TMEM163: variants seen among roughly 807,000 people sequenced by gnomAD.
The protein encoded by TMEM163 is transmembrane protein 163.
TMEM163 carries 17 observed loss-of-function variants against 29.3 expected under a neutral mutation model. The ratio of observed to expected loss-of-function variants is 0.58; its 90% CI spans 0.40 to 0.87. The LOEUF is 0.87. Ranked by LOEUF, TMEM163 falls within the 40% of genes least tolerant of loss-of-function variation. The pLI, the probability that TMEM163 is intolerant of heterozygous loss-of-function variation, is 0.00. For missense variants in TMEM163, 303 were observed against 381.5 expected (o/e 0.79, Z 1.71); for synonymous variants, 157 against 160.6 (o/e 0.98, Z 0.17).
At chr2:134,457,950 G>C in intron 7 of TMEM163, 82 bp downstream of exon 7, 1 of 1,595,310 alleles carries the variant, frequency 6.3e-7, no homozygotes. Flanking sequence ...TCAGAAGCCT[G>C]TCATTTCCTG....
chr2:134,683,457 CCTAAA>C, intron 2 of TMEM163, among the ~76,000 whole-genome samples: 1 of 150,890 alleles, frequency 6.6e-6, no homozygotes, highest in Middle Eastern at 3.4e-3. Flanking sequence ...AAAATGGAAA[CCTAAA>C]CTAAACTCAT....
chr2:134,515,680 ATTTT>A (rs1179213472), intron 4 of TMEM163, among the ~76,000 whole-genome samples: 1 of 152,114 alleles, frequency 6.6e-6, no homozygotes, highest in Non-Finnish European at 1.5e-5. Context: ...TGCCATTAAA[ATTTT>A]TTTTGTTAAA....
chr2:134,592,426 A>AT (rs1349997261), intron 2 of TMEM163, among the ~76,000 whole-genome samples: 1 of 151,302 alleles, frequency 6.6e-6, no homozygotes, highest in South Asian at 2.1e-4. Context: ...GGGTTAAAAT[A>AT]TTTTTTTTCC....
In TMEM163 at chr2:134,458,597, G is replaced by GGCTCGGAATTCAGGCTC. The variant is rs533938038; in HGVS notation, c.668-425_668-424insGAGCCTGAATTCCGAGC. The stretch of plus-strand genomic sequence containing the variant: ...TGTCTGCTGGGCCAGATTCCGAGTT[G>GGCTCGGAATTCAGGCTC]GGTGTTCAGGACGTGTGGTTACCTA... On this transcript the variant is annotated intron_variant, in intron 6 of 7. Transcript: ENST00000281924. 2.9e-3 allele frequency: 522 copies of GGCTCGGAATTCAGGCTC among 178,966 alleles called. 4 individuals are homozygous for GGCTCGGAATTCAGGCTC. The highest frequency in any genetic ancestry group is 0.011 in the African/African-American group (496 of 43,318). 11.1% of individuals were successfully genotyped at this position (178,966 alleles called of 1,614,324 possible). A position where few individuals can be genotyped will look rare whatever the true frequency, so the allele number is the denominator to read the frequency against.
chr2:134,693,817 G>A (rs112843395), intron 2 of TMEM163, among the ~76,000 whole-genome samples: 4 of 152,224 alleles, frequency 2.6e-5, no homozygotes, highest in African/African-American at 9.6e-5. Context: ...TCCAGACAAG[G>A]TTGGCCAGGA....
At chr2:134,465,759 T>C (rs1245308112) in intron 6 of TMEM163, among the ~76,000 whole-genome samples, 1 of 152,302 alleles carries the variant, frequency 6.6e-6, no homozygotes, top group African/African-American at 2.4e-5. Flanking sequence ...GAAACATTTA[T>C]AGAATCCAGA....
At chr2:134,515,420 T>C (rs973601535) in intron 4 of TMEM163, among the ~76,000 whole-genome samples, 3 of 152,230 alleles carry the variant, frequency 2.0e-5, no homozygotes, top group African/African-American at 7.2e-5. Context: ...TTGATTCCTA[T>C]AAAAATACTC....
At chr2:134,601,831 G>C (rs1171806354) in intron 2 of TMEM163, among the ~76,000 whole-genome samples, 1 of 152,158 alleles carries the variant, frequency 6.6e-6, no homozygotes, top group Non-Finnish European at 1.5e-5. Context: ...ATAGAGTAAG[G>C]AGGATCAGGA....
At chr2:134,706,737 C>A (rs1368967842) in intron 2 of TMEM163, among the ~76,000 whole-genome samples, 1 of 152,152 alleles carries the variant, frequency 6.6e-6, no homozygotes, top group African/African-American at 2.4e-5. Flanking sequence ...CACAAGGAGC[C>A]TCTGGGGGCT....
rs201436466 is a variant in TMEM163 at position 134,661,925 on chromosome 2, C to CTTTTTTTTTTTTTTTTTTTTTTTTTT, written c.322+51274_322+51275insAAAAAAAAAAAAAAAAAAAAAAAAAA. 3.8e-5 allele frequency among the ~76,000 whole-genome samples: 3 copies of CTTTTTTTTTTTTTTTTTTTTTTTTTT among 79,068 alleles called. 1 individual carries two copies. The highest frequency in any genetic ancestry group is 1.2e-4 in the African/African-American group (2 of 16,966). 51.9% of individuals were successfully genotyped at this position (79,068 alleles called of 152,430 possible). ...AAGTTTTCATGGATTCATTAATTTTCTTTCTTTTTTTTTTTTTTTTTTTTG... is the reference window on the plus strand; with the variant it reads ...AAGTTTTCATGGATTCATTAATTTTCTTTTTTTTTTTTTTTTTTTTTTTTTTTTTCTTTTTTTTTTTTTTTTTTTTG... On this transcript the variant is annotated intron_variant, in intron 2 of 7. Transcript: ENST00000281924.
intron 2 of TMEM163, among the ~76,000 whole-genome samples, chr2:134,619,841 T>G (rs1682688143): frequency 6.6e-6 from 1 of 152,134 alleles, no homozygotes; most frequent in Admixed American, 6.5e-5. Flanking sequence ...TTTAGTAGGG[T>G]TGCAGGACAC....
chr2:134,712,011 A>T (rs1684937873), intron 2 of TMEM163, among the ~76,000 whole-genome samples: 2 of 152,196 alleles, frequency 1.3e-5, no homozygotes, highest in South Asian at 4.1e-4. Flanking sequence ...TTACAGCATT[A>T]AAAAAGTGGG....
At chr2:134,565,290 C>T (rs1373067979) in intron 2 of TMEM163, among the ~76,000 whole-genome samples, 1 of 151,450 alleles carries the variant, frequency 6.6e-6, no homozygotes, top group Non-Finnish European at 1.5e-5. Flanking sequence ...CTATTCCATC[C>T]CTAGATATAT....
intron 2 of TMEM163, among the ~76,000 whole-genome samples, chr2:134,573,395 G>A (rs750610742): frequency 6.6e-6 from 1 of 152,006 alleles, no homozygotes; most frequent in African/African-American, 2.4e-5. Flanking sequence ...TTTCTCAACC[G>A]GGGGCACTTT....
chr2:134,487,219 C>A (rs1200172912), intron 5 of TMEM163, among the ~76,000 whole-genome samples: 2 of 152,082 alleles, frequency 1.3e-5, no homozygotes, highest in Admixed American at 1.3e-4. Flanking sequence ...CCAAAATAAT[C>A]CATTGATAAA....
intron 4 of TMEM163, among the ~76,000 whole-genome samples, chr2:134,544,676 T>C (rs1680742221): frequency 6.6e-6 from 1 of 152,134 alleles, no homozygotes; most frequent in Non-Finnish European, 1.5e-5. Flanking sequence ...ATGCCTGTAA[T>C]CCCAGCTGCT....
chr2:134,676,366 T>A (rs1491001233), intron 2 of TMEM163, among the ~76,000 whole-genome samples: 1 of 152,196 alleles, frequency 6.6e-6, no homozygotes, highest in Non-Finnish European at 1.5e-5. Flanking sequence ...GGGTAAAGTG[T>A]TGTTTCTTAC....
intron 2 of TMEM163, among the ~76,000 whole-genome samples, chr2:134,625,172 A>G (rs575199556): frequency 1.3e-5 from 2 of 152,292 alleles, no homozygotes; most frequent in East Asian, 3.9e-4. Flanking sequence ...TGCACAGAAA[A>G]TAGAGAAAGA....
chr2:134,493,541 T>C (rs1191638704), intron 5 of TMEM163, among the ~76,000 whole-genome samples: 2 of 151,942 alleles, frequency 1.3e-5, no homozygotes, highest in African/African-American at 2.4e-5. Context: ...GCCCAGCTAA[T>C]TTTTTCATTT....
Sources: allele counts gnomAD v4.1 joint callset (sites outside exome capture counted in the v4.1 genomes callset), GRCh38; gene constraint gnomAD v4.1.1; transcripts MANE v1.5; gene names NCBI Gene and HGNC (gene_info 2026-07-23, HGNC 2026-07-21).